The following VTI1A variants were observed in gnomAD, a reference collection of about 807,000 sequenced individuals.
The protein encoded by VTI1A is vesicle transport through interaction with t-SNAREs homolog 1A.
In VTI1A, 22 loss-of-function variants were observed where a neutral mutation model predicts 34.9. The ratio of observed to expected loss-of-function variants is 0.63; its 90% CI spans 0.45 to 0.90. VTI1A has a LOEUF of 0.90. Ranked by LOEUF, VTI1A falls within the 40% of genes least tolerant of loss-of-function variation. VTI1A has a pLI of 0.00. For synonymous variants in VTI1A, 87 were observed against 97.3 expected (o/e 0.89, Z 0.62); for missense variants, 268 against 275.6 (o/e 0.97, Z 0.20).
chr10:112,458,676 A>G (rs1015979520), intron 1 of VTI1A, among the ~76,000 whole-genome samples: 1 of 135,558 alleles, frequency 7.4e-6, no homozygotes, highest in East Asian at 2.2e-4. Context: ...TTTTATTTTT[A>G]TTTTTTTTGA....
At chr10:112,726,760 TCATTTG>T (rs1850043696) in intron 7 of VTI1A, among the ~76,000 whole-genome samples, 1 of 152,188 alleles carries the variant, frequency 6.6e-6, no homozygotes, top group Non-Finnish European at 1.5e-5. Flanking sequence ...TCTTGGAGTT[TCATTTG>T]TTTTCATAGA....
intron 5 of VTI1A, among the ~76,000 whole-genome samples, chr10:112,581,417 T>C (rs1843931460): frequency 6.6e-6 from 1 of 152,262 alleles, no homozygotes; most frequent in African/African-American, 2.4e-5. Context: ...GTATGTGGTC[T>C]GATTTTTATT....
intron 5 of VTI1A, among the ~76,000 whole-genome samples, chr10:112,611,306 T>A (rs1452637237): frequency 6.6e-6 from 1 of 152,234 alleles, no homozygotes; most frequent in Non-Finnish European, 1.5e-5. Context: ...TCTACTCTTT[T>A]TATTGCCATT....
chr10:112,646,752 C>G (rs528384300), intron 5 of VTI1A, among the ~76,000 whole-genome samples: 1 of 152,124 alleles, frequency 6.6e-6, no homozygotes, highest in South Asian at 2.1e-4. Flanking sequence ...CTCAGGTGAT[C>G]CACCCGCCTC....
At chr10:112,642,977 C>CTTTTTTTTTTTTTTTTTTTTTT (rs58619611) in intron 5 of VTI1A, among the ~76,000 whole-genome samples, 10 of 121,012 alleles carry the variant, frequency 8.3e-5, no homozygotes, top group Non-Finnish European at 1.1e-4. Context: ...TTTTTCTTTT[C>CTTTTTTTTTTTTTTTTTTTTTT]TTTTTTTTTT....
chr10:112,748,648 C>T (rs1484634012), intron 7 of VTI1A, among the ~76,000 whole-genome samples: 2 of 99,808 alleles, frequency 2.0e-5, no homozygotes, highest in Non-Finnish European at 3.5e-5. Context: ...TTTTTTGAGA[C>T]GGAGTCTCGC....
At position 112,815,637 on chromosome 10, in the gene VTI1A, T is replaced by C. The variant is rs1853497053; in HGVS notation, c.*254T>C. On this transcript the variant is annotated 3_prime_UTR_variant, in exon 8 of 8. Transcript: ENST00000393077. ...GGGAAGGTGAATGTTTATTTACCTT[T>C]TTGCTAATGTCATCAACTAGCCAAA... 2 of 496,920 alleles carry C rather than the reference T, an allele frequency of 4.0e-6. No homozygotes were observed. Among genetic ancestry groups the C allele is most frequent in the East Asian group, 6.9e-5 (2 of 29,098 alleles). The allele number at this position is 496,920 out of a possible 1,614,324, so 30.8% of individuals were successfully genotyped here. A position where few individuals can be genotyped will look rare whatever the true frequency, so the allele number is the denominator to read the frequency against.
rs1190516513 is a variant in VTI1A, at chr10:112,647,142, A to G, written c.428-21076A>G. 3.3e-5 allele frequency among the ~76,000 whole-genome samples: 5 copies of G among 152,232 alleles called. No homozygotes were observed. In the East Asian group the frequency reaches 9.6e-4, roughly 29 times the overall value. ...AATGAGTGGAGAGCCCATGGGATAAATGAAAGTTACTTTAAAACTTTTTCT... is the reference window on the plus strand; with the variant it reads ...AATGAGTGGAGAGCCCATGGGATAAGTGAAAGTTACTTTAAAACTTTTTCT... On this transcript the variant is annotated intron_variant, in intron 5 of 7. Transcript: ENST00000393077.
chr10:112,838,724 C>G, the VTI1A span, among the ~76,000 whole-genome samples: 2 of 152,182 alleles, frequency 1.3e-5, no homozygotes, highest in Non-Finnish European at 2.9e-5. Context: ...GCCTCGGTCA[C>G]CGGGCAGCTC....
Position 112,783,897 on chromosome 10 carries a change from C to G in VTI1A, c.561-31393C>G, listed in dbSNP as rs1438425206. On this transcript the variant is annotated intron_variant, in intron 7 of 7. Coordinates refer to ENST00000393077, the MANE Select transcript of VTI1A (RefSeq NM_145206.4). ...GAACAAATGCCGAACAAGCACATTC[C>G]TGTCCTACTCCAACAAGCAAGAAGG... Among the ~76,000 whole-genome samples, 5 of 152,216 alleles carry G rather than the reference C, an allele frequency of 3.3e-5. No individual in the cohort carries two copies. In the South Asian group the frequency reaches 8.3e-4, roughly 25 times the overall value.
Position 112,815,761 on chromosome 10 carries a change from G to T in VTI1A, c.*378G>T. ...TCACGAGAGCTTCTGTTTGTCACCC[G>T]CCTCTTGTTGCTGAAAAGCTCTTCT... On this transcript the variant is annotated 3_prime_UTR_variant, in exon 8 of 8. Transcript: ENST00000393077. The T allele has an allele frequency of 3.7e-6, 1 of 273,906 alleles. No individual in the cohort carries two copies. Among genetic ancestry groups the T allele is most frequent in the Non-Finnish European group, 7.0e-6 (1 of 142,980 alleles). The allele number at this position is 273,906 out of a possible 1,614,324, so 17.0% of individuals were successfully genotyped here.
At chr10:112,563,360 T>G (rs1283097685) in intron 5 of VTI1A, among the ~76,000 whole-genome samples, 1 of 152,212 alleles carries the variant, frequency 6.6e-6, no homozygotes, top group Non-Finnish European at 1.5e-5. Context: ...ACCTTCATCC[T>G]TGATGGACTT....
At chr10:112,462,995 G>A (rs1847779412) in intron 2 of VTI1A, among the ~76,000 whole-genome samples, 2 of 151,992 alleles carry the variant, frequency 1.3e-5, no homozygotes, top group South Asian at 4.1e-4. Flanking sequence ...CACGATCTCG[G>A]CTCACTGCAA....
chr10:112,653,482 T>A (rs1023911632), intron 5 of VTI1A, among the ~76,000 whole-genome samples: 4 of 152,318 alleles, frequency 2.6e-5, no homozygotes, highest in African/African-American at 7.2e-5. Flanking sequence ...ACAGTGGCCA[T>A]GTAATCAGCT....
intron 7 of VTI1A, among the ~76,000 whole-genome samples, chr10:112,721,901 C>A (rs1002500478): frequency 6.6e-6 from 1 of 152,152 alleles, no homozygotes; most frequent in South Asian, 2.1e-4. Context: ...CTGGAAGGAT[C>A]TTGCAGAAGG....
intron 5 of VTI1A, among the ~76,000 whole-genome samples, chr10:112,564,807 T>C (rs1851852493): frequency 1.3e-5 from 2 of 152,150 alleles, no homozygotes; most frequent in Non-Finnish European, 2.9e-5. Flanking sequence ...CTGGCTTTCA[T>C]TGCAGATCTT....
At chr10:112,679,093 G>T (rs577142791) in intron 7 of VTI1A, among the ~76,000 whole-genome samples, 8 of 152,092 alleles carry the variant, frequency 5.3e-5, no homozygotes, top group Non-Finnish European at 1.0e-4. Context: ...CACCGTTAGG[G>T]CAGGAAATGG....
At chr10:112,492,258 C>G (rs1848852098) in intron 3 of VTI1A, among the ~76,000 whole-genome samples, 1 of 152,096 alleles carries the variant, frequency 6.6e-6, no homozygotes, top group Admixed American at 6.6e-5. Context: ...AAACCATAAA[C>G]TGAGGGACTA....
At chr10:112,642,872 T>A (rs1846625743) in intron 5 of VTI1A, among the ~76,000 whole-genome samples, 1 of 152,112 alleles carries the variant, frequency 6.6e-6, no homozygotes, top group Admixed American at 6.6e-5. Flanking sequence ...TGTTGCCAGC[T>A]AAGTTGATCA....
Sources: allele counts gnomAD v4.1 joint callset (sites outside exome capture counted in the v4.1 genomes callset), GRCh38; gene constraint gnomAD v4.1.1; transcripts MANE v1.5; gene names NCBI Gene and HGNC (gene_info 2026-07-23, HGNC 2026-07-21).